CCDC85C: variants seen among roughly 807,000 people sequenced by gnomAD.
The protein encoded by CCDC85C is coiled-coil domain-containing protein 85C.
In CCDC85C, 18 loss-of-function variants were observed where a neutral mutation model predicts 38.3. That is an observed-to-expected ratio of 0.47 (90% CI 0.33 to 0.70). CCDC85C has a LOEUF of 0.70. Among genes scored for constraint, CCDC85C ranks in the 30% least tolerant of loss-of-function variants. CCDC85C has a pLI of 0.03. For missense variants in CCDC85C, 566 were observed against 621.2 expected, an observed-to-expected ratio of 0.91 and a Z score of 0.94; for synonymous variants, 264 against 293.8, an observed-to-expected ratio of 0.90 and a Z score of 1.04.
At chr14:99,560,282 G>A (rs1419625186) in intron 1 of CCDC85C, among the ~76,000 whole-genome samples, 5 of 152,216 alleles carry the variant, frequency 3.3e-5, no homozygotes, top group African/African-American at 1.2e-4. Context: ...GCTGGGTAGG[G>A]TGAAGGGGCA....
chr14:99,528,342 C>A (rs1172480888), intron 2 of CCDC85C, among the ~76,000 whole-genome samples: 1 of 152,204 alleles, frequency 6.6e-6, no homozygotes, highest in Non-Finnish European at 1.5e-5. Flanking sequence ...ATCTATTAGC[C>A]CAAAGCCACC....
intron 1 of CCDC85C, among the ~76,000 whole-genome samples, chr14:99,557,686 G>C (rs1431708911): frequency 1.3e-5 from 2 of 152,184 alleles, no homozygotes; most frequent in East Asian, 3.9e-4. Context: ...AGGCCGAGGT[G>C]GGTGGATCAC....
At chr14:99,560,758 G>A (rs941154637) in intron 1 of CCDC85C, among the ~76,000 whole-genome samples, 2 of 152,228 alleles carry the variant, frequency 1.3e-5, no homozygotes, top group East Asian at 1.9e-4. Flanking sequence ...GAGAGTGGCC[G>A]CCTGGGCGGA....
In CCDC85C at chr14:99,536,049, A is replaced by G. The variant is rs1897591105; in HGVS notation, c.833T>C (p.Val278Ala). The G allele has an allele frequency of 1.3e-6, 2 of 1,551,430 alleles. No homozygotes were observed. Among genetic ancestry groups the G allele is most frequent in the Non-Finnish European group, 1.7e-6 (2 of 1,146,926 alleles). Residue 278 changes from valine to alanine, a missense_variant, in exon 2 of 6, where the codon GTG (valine) becomes GCG (alanine). Val to Ala is a moderately conservative substitution (Grantham distance 64). Transcript: ENST00000380243. ...GAGCTTGTCACCCTCCAGCAGCCTC[A>G]CTTTGCTCTCCAGTTGCCTGATGTA... ...STYIRQLESK[V>A]RLLEGDKLLA...
chr14:99,515,112 G>A lies in CCDC85C; in HGVS notation c.*134C>T. 1 of 642,170 alleles carries A rather than the reference G, an allele frequency of 1.6e-6. No individual in the cohort carries two copies. The highest frequency in any genetic ancestry group is 2.6e-6 in the Non-Finnish European group (1 of 378,746). The allele number at this position is 642,170 out of a possible 1,614,324, so 39.8% of individuals were successfully genotyped here. Reference sequence around the variant, plus strand: ...GACCCATGGCAGCTGGGCCAGGGCGGGCAGCGTCCTATGTACAGTTCACCA... The same window carrying A: ...GACCCATGGCAGCTGGGCCAGGGCGAGCAGCGTCCTATGTACAGTTCACCA... On this transcript the variant is annotated 3_prime_UTR_variant, in exon 6 of 6. Transcript: ENST00000380243.
chr14:99,515,442 A>T (rs902837632), intron 5 of CCDC85C, 107 bp from the exon 6 acceptor site: 1 of 791,990 alleles, frequency 1.3e-6, no homozygotes, highest in African/African-American at 1.7e-5. Flanking sequence ...CCTCAGAGCC[A>T]TGGGGCCAGG....
chr14:99,514,281 C>T lies in CCDC85C; in HGVS notation c.*965G>A, dbSNP rs1295925610. ...AAGGCAGAACCTGGCCAGACACGCT[C>T]CTTCCCAAAAAGAACAGAACTCTCA... On this transcript the variant is annotated 3_prime_UTR_variant, in exon 6 of 6. Coordinates refer to ENST00000380243, the MANE Select transcript of CCDC85C (RefSeq NM_001144995.2). 1 of 152,582 alleles carries T rather than the reference C, an allele frequency of 6.6e-6. No individual in the cohort carries two copies. Among genetic ancestry groups the T allele is most frequent in the Non-Finnish European group, 1.5e-5 (1 of 68,306 alleles). 9.5% of individuals were successfully genotyped at this position (152,582 alleles called of 1,614,324 possible).
At chr14:99,525,183 GCCCAAC>G (rs1897359870) in intron 2 of CCDC85C, among the ~76,000 whole-genome samples, 1 of 152,198 alleles carries the variant, frequency 6.6e-6, no homozygotes. Flanking sequence ...CTGCAACACT[GCCCAAC>G]TCAGGGCCCA....
At chr14:99,543,519 T>C (rs925928027) in intron 1 of CCDC85C, among the ~76,000 whole-genome samples, 2 of 152,068 alleles carry the variant, frequency 1.3e-5, no homozygotes, top group Non-Finnish European at 2.9e-5. Context: ...GAACAGGGTG[T>C]GCTGACCAGG....
At position 99,510,243 on chromosome 14, in the gene CCDC85C, C is replaced by A. The variant is rs1332648804; in HGVS notation, c.*5003G>T. On this transcript the variant is annotated 3_prime_UTR_variant, in exon 6 of 6. Coordinates refer to ENST00000380243, the MANE Select transcript of CCDC85C (RefSeq NM_001144995.2). Reference sequence around the variant, plus strand: ...CACTGACCTCCCCAAAGTCCAGATTCCCCCTCCGGCCCACCCGGCCCCTGT... The same window carrying A: ...CACTGACCTCCCCAAAGTCCAGATTACCCCTCCGGCCCACCCGGCCCCTGT... 6.3e-7 allele frequency: 1 copy of A among 1,581,514 alleles called. No individual in the cohort carries two copies. Among genetic ancestry groups the A allele is most frequent in the Non-Finnish European group, 8.6e-7 (1 of 1,168,912 alleles).
In CCDC85C at chr14:99,527,346, C is replaced by T. The variant is rs138977222; in HGVS notation, c.868-5106G>A. Among the ~76,000 whole-genome samples, 935 of 152,288 alleles carry T rather than the reference C, an allele frequency of 6.1e-3. 8 individuals carry two copies. Among genetic ancestry groups the T allele is most frequent in the African/African-American group, 0.021 (891 of 41,550 alleles). ...GGGGTGATGCCCCCAGAGGACAACTCGCAGTGTCTACAGACACTTTTTAGT... is the reference window on the plus strand; with the variant it reads ...GGGGTGATGCCCCCAGAGGACAACTTGCAGTGTCTACAGACACTTTTTAGT... On this transcript the variant is annotated intron_variant, in intron 2 of 5. Transcript: ENST00000380243.
chr14:99,599,493 T>C (rs1375002211), intron 1 of CCDC85C, among the ~76,000 whole-genome samples: 2 of 152,152 alleles, frequency 1.3e-5, no homozygotes, highest in African/African-American at 4.8e-5. Flanking sequence ...AAGGAGAACC[T>C]GACTTTCTGG....
In CCDC85C at chr14:99,507,024, T is replaced by A; in HGVS notation, c.*8222A>T. 1 of 1,052,798 alleles carries A rather than the reference T, an allele frequency of 9.5e-7. No individual in the cohort carries two copies. Among genetic ancestry groups the A allele is most frequent in the South Asian group, 1.3e-5 (1 of 79,858 alleles). The allele number at this position is 1,052,798 out of a possible 1,614,324, so 65.2% of individuals were successfully genotyped here. On this transcript the variant is annotated 3_prime_UTR_variant, in exon 6 of 6. Coordinates refer to ENST00000380243, the MANE Select transcript of CCDC85C (RefSeq NM_001144995.2). ...CAGTACATTTTTCTTTATGACATGC[T>A]TATTCATGTGAAGAAGTATGAGTGG...
At chr14:99,602,778 C>A (rs557350434) in intron 1 of CCDC85C, among the ~76,000 whole-genome samples, 1 of 152,170 alleles carries the variant, frequency 6.6e-6, no homozygotes, top group Non-Finnish European at 1.5e-5. Flanking sequence ...AATTCACTTG[C>A]GCTCAAGGGG....
At chr14:99,517,612 C>T (rs1261079592) in intron 3 of CCDC85C, among the ~76,000 whole-genome samples, 3 of 152,204 alleles carry the variant, frequency 2.0e-5, no homozygotes, top group Non-Finnish European at 4.4e-5. Flanking sequence ...CCTGCCCACC[C>T]TGGAGCCACC....
At position 99,535,463 on chromosome 14, in the gene CCDC85C, C is replaced by T. The variant is rs1244664353; in HGVS notation, c.867+552G>A. Among the ~76,000 whole-genome samples the T allele has an allele frequency of 6.6e-6, 1 of 152,190 alleles. No individual in the cohort carries two copies. On this transcript the variant is annotated intron_variant, in intron 2 of 5. Coordinates refer to ENST00000380243, the MANE Select transcript of CCDC85C (RefSeq NM_001144995.2). The surrounding 1 kb of genome is among the most constrained non-coding windows in gnomAD (Gnocchi z 5.5). ...GCAGTCACACGTCCCCTCCAAGCTC[C>T]AGCCACACTCAAGAGGCACAGCCCC...
intron 1 of CCDC85C, among the ~76,000 whole-genome samples, chr14:99,564,889 G>C (rs1898185160): frequency 6.6e-6 from 1 of 152,182 alleles, no homozygotes; most frequent in Non-Finnish European, 1.5e-5. Context: ...GAGGGCGTGG[G>C]GACAAGTGCA....
At chr14:99,526,825 G>A (rs1032611098) in intron 2 of CCDC85C, among the ~76,000 whole-genome samples, 3 of 152,156 alleles carry the variant, frequency 2.0e-5, no homozygotes, top group African/African-American at 7.2e-5. Flanking sequence ...TGGGCTGGGG[G>A]ACCCACCTGG....
In CCDC85C at chr14:99,509,975, C is replaced by T; in HGVS notation, c.*5271G>A. ...CAGACAGGGTGGAGGGCCTTCTTGA[C>T]AGATGGTGGGGAGACATCTGGTGGC... is the stretch of plus-strand genomic sequence containing the variant. On this transcript the variant is annotated 3_prime_UTR_variant, in exon 6 of 6. Coordinates refer to ENST00000380243, the MANE Select transcript of CCDC85C (RefSeq NM_001144995.2). The T allele has an allele frequency of 1.6e-6, 1 of 640,132 alleles. No individual in the cohort carries two copies. The highest frequency in any genetic ancestry group is 2.7e-6 in the Non-Finnish European group (1 of 374,114). 39.7% of individuals were successfully genotyped at this position (640,132 alleles called of 1,614,324 possible). A position where few individuals can be genotyped will look rare whatever the true frequency, so the allele number is the denominator to read the frequency against.
Sources: gnomAD v4.1 joint callset for allele counts (sites outside exome capture counted in the v4.1 genomes callset) on GRCh38, gnomAD v4.1.1 for gene constraint, Gnocchi (gnomAD v3.1) non-coding constraint, MANE v1.5 for transcripts, NCBI Gene and HGNC (gene_info 2026-07-23, HGNC 2026-07-21) for gene names.